Variants in ARIH1 observed in about 807,000 individuals in gnomAD.
The protein encoded by ARIH1 is ariadne RBR E3 ubiquitin protein ligase 1.
In ARIH1, 8 loss-of-function variants were observed where a neutral mutation model predicts 85.0. That is an observed-to-expected ratio of 0.09 (90% CI 0.06 to 0.17). The LOEUF is 0.17. Ranked by LOEUF, ARIH1 falls within the 10% of genes least tolerant of loss-of-function variation. The pLI is 1.00. For missense variants in ARIH1, 311 were observed against 718.1 expected, an observed-to-expected ratio of 0.43 and a Z score of 6.48; for synonymous variants, 238 against 253.6, an observed-to-expected ratio of 0.94 and a Z score of 0.59.
chr15:72,496,753 C>A, intron 1 of ARIH1: 4 of 964,130 alleles, frequency 4.1e-6, no homozygotes, highest in Non-Finnish European at 4.9e-6. Flanking sequence ...TGGCCTTTGC[C>A]GCTGTGGCCC....
intron 11 of ARIH1, among the ~76,000 whole-genome samples, chr15:72,574,780 T>G (rs1342131205): frequency 6.6e-6 from 1 of 152,166 alleles, no homozygotes; most frequent in Non-Finnish European, 1.5e-5. Context: ...CAAGTAAATT[T>G]TATTTACTGG....
Position 72,544,961 on chromosome 15 carries a change from C to T in ARIH1, c.585C>T (p.Asn195=). 2 of 1,586,552 alleles carry T rather than the reference C, an allele frequency of 1.3e-6. No homozygotes were observed. The highest frequency in any genetic ancestry group is 1.7e-6 in the Non-Finnish European group (2 of 1,160,932). ...AGATCTGCTACTTGAACTACCCTAA[C>T]TCGGTGAGTATCTGGTAGTTTAAGG... is the stretch of plus-strand genomic sequence containing the variant. ...PCQICYLNYP[N]SYFTGLECGH... is the part of the protein sequence containing the mutation. Residue 195 remains asparagine, a synonymous_variant, in exon 3 of 14, where the codon AAC becomes AAT. Transcript: ENST00000379887.
intron 1 of ARIH1, 85 bp from the exon 2 acceptor site, chr15:72,517,982 G>A (rs1366909439): frequency 2.1e-6 from 2 of 970,054 alleles, no homozygotes; most frequent in African/African-American, 3.3e-5. Flanking sequence ...GAGTATTGTG[G>A]AAATTTAACT....
chr15:72,483,687 CA>C (rs1385927171), intron 1 of ARIH1, among the ~76,000 whole-genome samples: 13 of 152,044 alleles, frequency 8.6e-5, no homozygotes, highest in Non-Finnish European at 1.8e-4. Flanking sequence ...TTTGGCTTTG[CA>C]AAACATTATA....
intron 1 of ARIH1, among the ~76,000 whole-genome samples, chr15:72,495,595 T>G (rs956463329): frequency 3.3e-5 from 5 of 152,186 alleles, no homozygotes; most frequent in African/African-American, 1.2e-4. Context: ...AACAAAAGTT[T>G]CCTGAAACTT....
chr15:72,538,832 A>G (rs976902668), intron 2 of ARIH1, among the ~76,000 whole-genome samples: 4 of 152,242 alleles, frequency 2.6e-5, no homozygotes, highest in African/African-American at 7.2e-5. Flanking sequence ...AGAATTTACA[A>G]TCTACTGAGA....
At chr15:72,503,532 A>G (rs999081812) in intron 1 of ARIH1, among the ~76,000 whole-genome samples, 3 of 152,146 alleles carry the variant, frequency 2.0e-5, no homozygotes, top group Non-Finnish European at 2.9e-5. Flanking sequence ...ACATATTCCT[A>G]TAGCCCCATT....
At chr15:72,581,779 G>C (rs993683255) in intron 12 of ARIH1, 8 of 222,568 alleles carry the variant, frequency 3.6e-5, no homozygotes, top group South Asian at 1.1e-4. Context: ...GCAAAGAGCA[G>C]CTCTCAGAAC....
chr15:72,555,805 T>C (rs2140429391), intron 4 of ARIH1, 47 bp from the exon 5 acceptor site: 2 of 1,529,172 alleles, frequency 1.3e-6, no homozygotes, highest in East Asian at 4.5e-5. Flanking sequence ...TAAGCATTCA[T>C]TAAATATTTG....
chr15:72,500,123 C>G (rs967988385), intron 1 of ARIH1, among the ~76,000 whole-genome samples: 2 of 149,528 alleles, frequency 1.3e-5, no homozygotes, highest in Non-Finnish European at 3.0e-5. Flanking sequence ...GAGTTGGAGT[C>G]TTGCTCTGTT....
At chr15:72,502,561 T>C (rs2063908158) in intron 1 of ARIH1, among the ~76,000 whole-genome samples, 1 of 152,112 alleles carries the variant, frequency 6.6e-6, no homozygotes, top group East Asian at 1.9e-4. Context: ...TCCCAGCACT[T>C]TGGGAGGCTA....
At chr15:72,538,514 C>T (rs1168529503) in intron 2 of ARIH1, among the ~76,000 whole-genome samples, 2 of 152,174 alleles carry the variant, frequency 1.3e-5, no homozygotes, top group Admixed American at 1.3e-4. Context: ...GACTTAGTAG[C>T]TTTGAAGATA....
chr15:72,558,230 G>A (rs1372753990), intron 5 of ARIH1, among the ~76,000 whole-genome samples: 1 of 152,142 alleles, frequency 6.6e-6, no homozygotes, highest in Non-Finnish European at 1.5e-5. Context: ...TTTGTTGATA[G>A]TTTTTATCAT....
At chr15:72,528,049 G>T in intron 2 of ARIH1, among the ~76,000 whole-genome samples, 1 of 151,984 alleles carries the variant, frequency 6.6e-6, no homozygotes, top group East Asian at 1.9e-4. Flanking sequence ...ATCAACAATG[G>T]AGCTACTTTT....
At chr15:72,486,438 T>C (rs1402671208) in intron 1 of ARIH1, among the ~76,000 whole-genome samples, 1 of 152,114 alleles carries the variant, frequency 6.6e-6, no homozygotes, top group Non-Finnish European at 1.5e-5. Flanking sequence ...ACATAGCATG[T>C]ATAAGTTCGG....
chr15:72,529,467 C>T (rs2064045977), intron 2 of ARIH1, among the ~76,000 whole-genome samples: 1 of 152,200 alleles, frequency 6.6e-6, no homozygotes, highest in South Asian at 2.1e-4. Context: ...TGGACTCAAG[C>T]AGTCCTCCTC....
chr15:72,509,214 G>A (rs1344834619), intron 1 of ARIH1, among the ~76,000 whole-genome samples: 1 of 151,630 alleles, frequency 6.6e-6, no homozygotes, highest in Non-Finnish European at 1.5e-5. Context: ...TGGCCTTGAA[G>A]TCCTGACCTT....
chr15:72,553,950 A>C (rs1208807955), intron 3 of ARIH1, among the ~76,000 whole-genome samples: 1 of 152,088 alleles, frequency 6.6e-6, no homozygotes, highest in Non-Finnish European at 1.5e-5. Flanking sequence ...ATCTTTTATG[A>C]CTGGCTTATT....
intron 11 of ARIH1, chr15:72,572,386 C>T (rs565967282): frequency 4.4e-5 from 16 of 364,330 alleles, no homozygotes; most frequent in South Asian, 9.2e-5. Flanking sequence ...TACAGGTGCG[C>T]GCCACCACAC....
Sources: allele counts gnomAD v4.1 joint callset (sites outside exome capture counted in the v4.1 genomes callset), GRCh38; gene constraint gnomAD v4.1.1; transcripts MANE v1.5; gene names NCBI Gene and HGNC (gene_info 2026-07-23, HGNC 2026-07-21).